Variants in LARS2 observed in about 807,000 individuals in gnomAD.
The protein encoded by LARS2 is leucyl-tRNA synthetase 2, mitochondrial, also known as leucine--tRNA ligase, mitochondrial.
A neutral mutation model predicts 116.6 loss-of-function variants in LARS2; 81 were observed. The observed-to-expected ratio is 0.69, with a 90% CI of 0.58 to 0.84. The LOEUF (loss-of-function observed/expected upper bound fraction) is 0.84. Ranked by LOEUF, LARS2 falls within the 40% of genes least tolerant of loss-of-function variation. The pLI is 0.00. For missense variants in LARS2, 968 were observed against 1,114.5 expected, an observed-to-expected ratio of 0.87 and a Z score of 1.87; for synonymous variants, 396 against 407.2, an observed-to-expected ratio of 0.97 and a Z score of 0.33.
At chr3:45,525,363 G>A (rs527514926) in intron 20 of LARS2, among the ~76,000 whole-genome samples, 10 of 152,306 alleles carry the variant, frequency 6.6e-5, no homozygotes, top group South Asian at 4.1e-4. Flanking sequence ...TGAAGTTCAC[G>A]TAGTGGGAGG....
chr3:45,537,705 G>C (rs533386693), intron 20 of LARS2, among the ~76,000 whole-genome samples: 1 of 152,300 alleles, frequency 6.6e-6, no homozygotes, highest in East Asian at 1.9e-4. Flanking sequence ...TTCCCCCCTG[G>C]TGTGTCTATG....
At chr3:45,517,142 G>C (rs1266671569) in intron 17 of LARS2, among the ~76,000 whole-genome samples, 2 of 152,204 alleles carry the variant, frequency 1.3e-5, no homozygotes, top group Non-Finnish European at 2.9e-5. Flanking sequence ...AGAATCACTG[G>C]GGGGCTTGCA....
At position 45,517,956 on chromosome 3, in the gene LARS2, A is replaced by T. The variant is rs139541494; in HGVS notation, c.2098A>T (p.Thr700Ser). 8.1e-6 allele frequency: 13 copies of T among 1,613,826 alleles called. No individual in the cohort carries two copies. Among genetic ancestry groups the T allele is most frequent in the Non-Finnish European group, 1.1e-5 (13 of 1,179,974 alleles). The change falls in exon 18 of 22, where the codon ACT (threonine) becomes TCT (serine). Residue 700 changes from threonine (T) to serine (S), a missense_variant. By Grantham distance (58) the Thr-to-Ser change is moderately conservative. Coordinates refer to ENST00000645846, the MANE Select transcript of LARS2 (RefSeq NM_015340.4). ...RWQQRLWTLT[T>S]RFIEARASGK... ...GCAACAACGACTGTGGACCTTGACA[A>T]CTCGGTTTATTGAGGCCAGGGCTTC...
intron 7 of LARS2, among the ~76,000 whole-genome samples, chr3:45,453,359 G>A (rs567822809): frequency 9.9e-4 from 150 of 152,260 alleles, no homozygotes; most frequent in African/African-American, 3.4e-3. Flanking sequence ...AGCCTTGGAT[G>A]GTGGATATAG....
intron 13 of LARS2, among the ~76,000 whole-genome samples, chr3:45,492,128 G>T (rs191677924): frequency 2.0e-5 from 3 of 152,312 alleles, no homozygotes; most frequent in Admixed American, 2.0e-4. Flanking sequence ...CCTCCATTTT[G>T]ATATTCCAAA....
Position 45,476,543 on chromosome 3 carries a change from G to A in LARS2, c.934G>A (p.Val312Met), listed in dbSNP as rs765029432. 32 of 1,614,040 alleles carry A rather than the reference G, an allele frequency of 2.0e-5. No individual in the cohort carries two copies. The highest frequency in any genetic ancestry group is 3.3e-5 in the Admixed American group (2 of 60,004). The change falls in exon 10 of 22, where the codon GTG (valine) becomes ATG (methionine). Residue 312 changes from valine to methionine, a missense_variant. Coordinates refer to ENST00000645846, the MANE Select transcript of LARS2 (RefSeq NM_015340.4). ...TGAAGCCATTTATGGCACCTCCCACGTGGCCATCTCGCCCAGCCACAGACT... is the reference window on the plus strand; with the variant it reads ...TGAAGCCATTTATGGCACCTCCCACATGGCCATCTCGCCCAGCCACAGACT... ...TPEAIYGTSH[V>M]AISPSHRLLH...
At chr3:45,545,374 T>C (rs1389484089) in intron 21 of LARS2, among the ~76,000 whole-genome samples, 7 of 152,232 alleles carry the variant, frequency 4.6e-5, no homozygotes, top group Non-Finnish European at 1.0e-4. Flanking sequence ...TCTCCAAAGA[T>C]GGAGGTGCAA....
intron 8 of LARS2, among the ~76,000 whole-genome samples, chr3:45,473,781 T>C (rs1388757187): frequency 6.6e-6 from 1 of 151,968 alleles, no homozygotes; most frequent in Non-Finnish European, 1.5e-5. Flanking sequence ...TTCCCTTATA[T>C]ATTTATAAAA....
intron 4 of LARS2, among the ~76,000 whole-genome samples, chr3:45,401,564 G>C (rs997557891): frequency 1.1e-4 from 17 of 151,996 alleles, no homozygotes; most frequent in African/African-American, 4.1e-4. Context: ...TGAGAGAGGA[G>C]GACAAACGCC....
Position 45,491,644 on chromosome 3 carries a change from G to T in LARS2, c.1367G>T (p.Gly456Val). The T allele has an allele frequency of 6.2e-7, 1 of 1,614,196 alleles. No individual in the cohort carries two copies. The highest frequency in any genetic ancestry group is 8.5e-7 in the Non-Finnish European group (1 of 1,180,032). The stretch of plus-strand genomic sequence containing the variant: ...CTGATTTCACGGCAGCGGTACTGGG[G>T]CACACCAATCCCCATTGTCCACTGC... Reference protein sequence around the residue: ...DWLISRQRYWGTPIPIVHCPV... With the variant: ...DWLISRQRYWVTPIPIVHCPV... Residue 456 changes from glycine to valine, a missense_variant, in exon 13 of 22, where the codon GGC (glycine) becomes GTC (valine). Physicochemically the swap from Gly to Val is moderately radical, Grantham distance 109. Transcript: ENST00000645846.
chr3:45,448,437 G>A (rs1020310977), intron 7 of LARS2, among the ~76,000 whole-genome samples: 9 of 152,098 alleles, frequency 5.9e-5, no homozygotes, highest in Admixed American at 5.9e-4. Flanking sequence ...TGCTACAGTA[G>A]TGCCAAGACC....
intron 6 of LARS2, among the ~76,000 whole-genome samples, chr3:45,425,943 G>T (rs1488661692): frequency 1.0e-4 from 15 of 144,976 alleles, no homozygotes; most frequent in East Asian, 4.1e-4. Context: ...TAATATTGTG[G>T]GTTTGATTGG....
At chr3:45,524,987 G>T (rs1465917780) in intron 20 of LARS2, among the ~76,000 whole-genome samples, 1 of 152,188 alleles carries the variant, frequency 6.6e-6, no homozygotes, top group East Asian at 1.9e-4. Flanking sequence ...ATTTATAGTT[G>T]ACAGAGTATT....
chr3:45,415,645 C>G (rs1230232116), intron 4 of LARS2, among the ~76,000 whole-genome samples: 1 of 151,860 alleles, frequency 6.6e-6, no homozygotes, highest in Non-Finnish European at 1.5e-5. Flanking sequence ...GCCAGGAGTT[C>G]AAGACCAGCC....
chr3:45,520,092 T>G lies in LARS2; in HGVS notation c.2215-127T>G, dbSNP rs571753720. 9.9e-5 allele frequency: 66 copies of G among 663,654 alleles called. 1 individual carries two copies. In the South Asian group the frequency reaches 1.1e-3, roughly 11 times the overall value. 41.1% of individuals were successfully genotyped at this position (663,654 alleles called of 1,614,324 possible). On this transcript the variant is annotated intron_variant, in intron 18 of 21. Transcript: ENST00000645846. ...GAAACATAGCGATTATTTGAGATAG[T>G]AGATATATTTATAAATATCTTTGCA...
In LARS2 at chr3:45,394,661, C is replaced by G; in HGVS notation, c.208C>G (p.Gln70Glu). ...EKWWHQRIKE[Q>E]ASKISEADKS... Reference sequence around the variant, plus strand: ...ATGGTGGCATCAACGAATAAAAGAACAGGCCTCCAAAATTTCAGAAGCTGA... The same window carrying G: ...ATGGTGGCATCAACGAATAAAAGAAGAGGCCTCCAAAATTTCAGAAGCTGA... Residue 70 changes from glutamine to glutamate, a missense_variant, in exon 3 of 22, where the codon CAG becomes GAG. Transcript: ENST00000645846. 6.2e-7 allele frequency: 1 copy of G among 1,613,632 alleles called. No individual in the cohort carries two copies. The highest frequency in any genetic ancestry group is 8.5e-7 in the Non-Finnish European group (1 of 1,179,552).
chr3:45,417,075 AAAAAAAAAAAAC>A (rs1385830710), intron 4 of LARS2, among the ~76,000 whole-genome samples: 9 of 104,096 alleles, frequency 8.6e-5, no homozygotes, highest in South Asian at 3.2e-4. Context: ...CTCTGTCTCA[AAAAAAAAAAAAC>A]AAAAAAAAAA....
chr3:45,448,838 A>G (rs558764714), intron 7 of LARS2, among the ~76,000 whole-genome samples: 91 of 152,354 alleles, frequency 6.0e-4, no homozygotes, highest in African/African-American at 2.1e-3. Context: ...TAAACCCACA[A>G]TCTTCCAGCG....
chr3:45,414,538 T>G (rs928011462), intron 4 of LARS2, among the ~76,000 whole-genome samples: 1 of 152,138 alleles, frequency 6.6e-6, no homozygotes, highest in Non-Finnish European at 1.5e-5. Context: ...TAAGGAAATG[T>G]GTGTGAACAT....
Sources: allele counts gnomAD v4.1 joint callset (sites outside exome capture counted in the v4.1 genomes callset), GRCh38; gene constraint gnomAD v4.1.1; transcripts MANE v1.5; gene names NCBI Gene and HGNC (gene_info 2026-07-23, HGNC 2026-07-21).